PLEC: variants seen among roughly 807,000 people sequenced by gnomAD.
PLEC encodes hemidesmosomal protein 1.
PLEC carries 216 observed loss-of-function variants against 392.8 expected under a neutral mutation model. The observed-to-expected ratio is 0.55, with a 90% CI of 0.49 to 0.62. The LOEUF is 0.62. Among genes scored for constraint, PLEC ranks in the 20% least tolerant of loss-of-function variants. The pLI is 0.00. For synonymous variants in PLEC, 3,621 were observed against 2,980.6 expected (o/e 1.21, Z -7.00); for missense variants, 6,863 against 6,563.4 (o/e 1.05, Z -1.58).
In PLEC at chr8:143,929,505, T is replaced by A. The variant is rs1333530152; in HGVS notation, c.2990A>T (p.Glu997Val). ...GTGCACGGTGCGCGTCTCACAGGCC[T>A]CCAGCTGCAGCCGGATGTCTTTGAG... The part of the protein sequence containing the change: ...SELKDIRLQL[E>V]ACETRTVHRL... Residue 997 changes from glutamate (E) to valine (V), a missense_variant, in exon 24 of 32, where the codon GAG becomes GTG. Physicochemically the swap from Glu to Val is moderately radical, Grantham distance 121. Coordinates refer to ENST00000345136, the MANE Select transcript of PLEC (RefSeq NM_201384.3). 1.2e-6 allele frequency: 2 copies of A among 1,611,990 alleles called. No homozygotes were observed. Among genetic ancestry groups the A allele is most frequent in the Non-Finnish European group, 1.7e-6 (2 of 1,179,836 alleles).
upstream of PLEC, among the ~76,000 whole-genome samples, chr8:143,944,209 C>T (rs1831075808): frequency 1.3e-5 from 2 of 152,150 alleles, no homozygotes. Flanking sequence ...GCGGCCACAC[C>T]CGCCGGGAGG....
chr8:143,940,336 T>A (rs1830215407), upstream of PLEC, among the ~76,000 whole-genome samples: 1 of 152,046 alleles, frequency 6.6e-6, no homozygotes, highest in Non-Finnish European at 1.5e-5. Context: ...GAATGGAGCA[T>A]CGGGAAGCCC....
In PLEC at chr8:143,922,689, C is replaced by A; in HGVS notation, c.7240G>T (p.Gly2414Cys). 1 of 1,612,888 alleles carries A rather than the reference C, an allele frequency of 6.2e-7. No homozygotes were observed. Among genetic ancestry groups the A allele is most frequent in the Non-Finnish European group, 8.5e-7 (1 of 1,179,860 alleles). Reference protein sequence around the residue: ...QRFRKQAEEIGEKLHRTELAT... With the variant: ...QRFRKQAEEICEKLHRTELAT... ...AGCTCCGTGCGGTGCAGCTTCTCACCGATCTCCTCCGCCTGCTTCCGGAAG... is the reference window on the plus strand; with the variant it reads ...AGCTCCGTGCGGTGCAGCTTCTCACAGATCTCCTCCGCCTGCTTCCGGAAG... The change falls in exon 31 of 32, where the codon GGT becomes TGT. Residue 2414 changes from glycine to cysteine, a missense_variant. Gly to Cys is a radical substitution (Grantham distance 159, BLOSUM62 -3). Coordinates refer to ENST00000345136, the MANE Select transcript of PLEC (RefSeq NM_201384.3).
In PLEC at chr8:143,937,033, G is replaced by A. The variant is rs185041864; in HGVS notation, c.381C>T (p.Asp127=). The part of the protein sequence containing the change: ...LVNIRNDDIA[D]GNPKLTLGLI... Reference sequence around the variant, plus strand: ...GGCCAAGGGTCAGCTTGGGGTTGCCGTCAGCGATGTCATCATTCCTGATGT... The same window carrying A: ...GGCCAAGGGTCAGCTTGGGGTTGCCATCAGCGATGTCATCATTCCTGATGT... Residue 127 remains aspartate (D), a synonymous_variant, in exon 5 of 32, where the codon GAC becomes GAT. Transcript: ENST00000345136. The A allele has an allele frequency of 3.9e-5, 63 of 1,613,134 alleles. No homozygotes were observed. Among genetic ancestry groups the A allele is most frequent in the African/African-American group, 1.5e-4 (11 of 75,048 alleles).
upstream of PLEC, among the ~76,000 whole-genome samples, chr8:143,951,735 G>A (rs1356865828): frequency 3.9e-5 from 6 of 152,142 alleles, no homozygotes; most frequent in African/African-American, 1.4e-4. Flanking sequence ...CCAAGTGCCC[G>A]TCTGCAGGCC....
Position 143,928,210 on chromosome 8 carries a change from A to C in PLEC, c.3261-218T>G, listed in dbSNP as rs149624849. On this transcript the variant is annotated intron_variant, in intron 25 of 31. Coordinates refer to ENST00000345136, the MANE Select transcript of PLEC (RefSeq NM_201384.3). ...TGTAACACAAGGACACTCAGGACCC[A>C]GCCTGGAGAGGGGGTGCGCCAGCCA... is the stretch of plus-strand genomic sequence containing the variant. 1.0e-3 allele frequency among the ~76,000 whole-genome samples: 154 copies of C among 152,362 alleles called. 1 individual carries two copies. The East Asian group carries it at 0.029, about 29-fold the overall frequency.
Position 143,919,329 on chromosome 8 carries a change from T to A in PLEC, c.10492A>T (p.Met3498Leu). The A allele has an allele frequency of 6.2e-7, 1 of 1,613,880 alleles. No homozygotes were observed. The highest frequency in any genetic ancestry group is 8.5e-7 in the Non-Finnish European group (1 of 1,180,002). Reference sequence around the variant, plus strand: ...CTGGGGTCCGCCAGGACGCGGTTCATCTCCTCACTGAAGTAGCCGCGCTGG... The same window carrying A: ...CTGGGGTCCGCCAGGACGCGGTTCAACTCCTCACTGAAGTAGCCGCGCTGG... The part of the protein sequence containing the change: ...AYQRGYFSEE[M>L]NRVLADPSDD... The change falls in exon 32 of 32, where the codon ATG becomes TTG. Residue 3498 changes from methionine (M) to leucine (L), a missense_variant. Transcript: ENST00000345136.
chr8:143,952,396 G>T (rs139577608), upstream of PLEC, among the ~76,000 whole-genome samples: 461 of 152,254 alleles, frequency 3.0e-3, 2 homozygotes, highest in African/African-American at 0.011. Flanking sequence ...GAGGCTCCAG[G>T]AAGATGTAGG....
rs782537588 is a variant in PLEC, at chr8:143,918,509, T to A, written c.11312A>T (p.Tyr3771Phe). 6.2e-7 allele frequency: 1 copy of A among 1,606,100 alleles called. No homozygotes were observed. Residue 3771 changes from tyrosine (Y) to phenylalanine (F), a missense_variant, in exon 32 of 32, where the codon TAC becomes TTC. Coordinates refer to ENST00000345136, the MANE Select transcript of PLEC (RefSeq NM_201384.3). Reference protein sequence around the residue: ...LLSAERAVTGYRDPYTEQTIS... With the variant: ...LLSAERAVTGFRDPYTEQTIS... Reference sequence around the variant, plus strand: ...GGTCTGCTCGGTGTAGGGGTCACGGTAGCCGGTGACCGCCCGCTCAGCCGA... The same window carrying A: ...GGTCTGCTCGGTGTAGGGGTCACGGAAGCCGGTGACCGCCCGCTCAGCCGA...
chr8:143,930,435 G>T lies in PLEC; in HGVS notation c.2406C>A (p.Pro802=), dbSNP rs1485489896. ...CCAGCAGGGGCAGGCGGCCCCGCAT[G>T]GGGTGGGCTGGGTGGCGGGGCTTCA... ...VQLKPRHPAH[P]MRGRLPLLAV... Residue 802 remains proline (P), a synonymous_variant, in exon 20 of 32, where the codon CCC becomes CCA. Coordinates refer to ENST00000345136, the MANE Select transcript of PLEC (RefSeq NM_201384.3). The T allele has an allele frequency of 7.6e-6, 12 of 1,574,578 alleles. No homozygotes were observed. Among genetic ancestry groups the T allele is most frequent in the Non-Finnish European group, 1.0e-5 (12 of 1,161,218 alleles).
At chr8:143,930,888 G>A (rs1022404810) in intron 19 of PLEC, among the ~76,000 whole-genome samples, 7 of 152,228 alleles carry the variant, frequency 4.6e-5, no homozygotes, top group Middle Eastern at 6.8e-3. Flanking sequence ...GGGCCAGGCC[G>A]CAGGACGGCA....
At chr8:143,946,335 C>G in intron 1 of PLEC, 1 of 1,288,650 alleles carries the variant, frequency 7.8e-7, no homozygotes, top group Non-Finnish European at 1.0e-6. Flanking sequence ...CAGCCCCCAG[C>G]TCTGCCTGCC....
chr8:143,916,357 G>A lies in PLEC; in HGVS notation c.13464C>T (p.Gly4488=), dbSNP rs1554668843. The part of the protein sequence containing the change: ...YSVSGSGSTA[G]SRTGSRTGSR... ...AGCCGGTGCGCGAGCCGGTGCGGGAGCCAGCGGTAGAGCCGGAGCCGCTGA... is the reference window on the plus strand; with the variant it reads ...AGCCGGTGCGCGAGCCGGTGCGGGAACCAGCGGTAGAGCCGGAGCCGCTGA... The change falls in exon 32 of 32, where the codon GGC becomes GGT. Residue 4488 remains glycine, a synonymous_variant. Coordinates refer to ENST00000345136, the MANE Select transcript of PLEC (RefSeq NM_201384.3). 1.2e-6 allele frequency: 2 copies of A among 1,606,286 alleles called. No homozygotes were observed. The highest frequency in any genetic ancestry group is 1.7e-6 in the Non-Finnish European group (2 of 1,176,734).
At chr8:143,934,952 G>C in intron 8 of PLEC, 23 bp from the exon 9 acceptor site, 1 of 1,610,498 alleles carries the variant, frequency 6.2e-7, no homozygotes, top group African/African-American at 1.3e-5. Flanking sequence ...ACGGGCGGCT[G>C]TCAGGGGTCG....
chr8:143,922,928 T>C lies in PLEC; in HGVS notation c.7001A>G (p.Gln2334Arg). The stretch of plus-strand genomic sequence containing the variant: ...CTGCTCCTGCGCAAGCTCCTTCTGC[T>C]GCTGCAGCAGTTCCGCCTCAGCCTT... ...RLKAEAELLQQQKELAQEQAR... is the reference protein window; with the variant it reads ...RLKAEAELLQRQKELAQEQAR... Residue 2334 changes from glutamine to arginine, a missense_variant, in exon 31 of 32, where the codon CAG (glutamine) becomes CGG (arginine). Coordinates refer to ENST00000345136, the MANE Select transcript of PLEC (RefSeq NM_201384.3). 1 of 1,604,012 alleles carries C rather than the reference T, an allele frequency of 6.2e-7. No individual in the cohort carries two copies. The highest frequency in any genetic ancestry group is 8.5e-7 in the Non-Finnish European group (1 of 1,175,694).
At position 143,923,491 on chromosome 8, in the gene PLEC, C is replaced by T. The variant is rs374211586; in HGVS notation, c.6438G>A (p.Ala2146=). The change falls in exon 31 of 32, where the codon GCG becomes GCA. Residue 2146 remains alanine (A), a synonymous_variant. Coordinates refer to ENST00000345136, the MANE Select transcript of PLEC (RefSeq NM_201384.3). The part of the protein sequence containing the change: ...EKLRKEAEQE[A]ARRAQAEQAA... ...CCTGCTCCGCCTGTGCCCGCCGCGC[C>T]GCCTCTTGCTCGGCCTCCTTGCGCA... 390 of 1,600,130 alleles carry T rather than the reference C, an allele frequency of 2.4e-4. 1 individual carries two copies. In the African/African-American group the frequency reaches 2.7e-3, roughly 11 times the overall value.
rs781851968 is a variant in PLEC, at chr8:143,921,487, C to G, written c.8334G>C (p.Lys2778Asn). The change falls in exon 32 of 32, where the codon AAG becomes AAC. Residue 2778 changes from lysine (K) to asparagine (N), a missense_variant. By Grantham distance (94) the Lys-to-Asn change is moderately conservative. Transcript: ENST00000345136. ...LSAERAVTGY[K>N]DPYTGQQISL... The stretch of plus-strand genomic sequence containing the variant: ...AGATCTGCTGGCCAGTGTAGGGGTC[C>G]TTGTAGCCAGTGACGGCGCGCTCGG... 1.5e-5 allele frequency: 25 copies of G among 1,612,960 alleles called. No homozygotes were observed. The highest frequency in any genetic ancestry group is 6.7e-5 in the East Asian group (3 of 44,886).
intron 12 of PLEC, 122 bp downstream of exon 12, chr8:143,933,876 C>T: frequency 1.3e-6 from 1 of 798,254 alleles, no homozygotes; most frequent in Non-Finnish European, 2.1e-6. Flanking sequence ...CATGCCCCGC[C>T]CCTGCCCCTG....
rs782500274 is a variant in PLEC, at chr8:143,916,239, C to T, written c.13582G>A (p.Gly4528Ser). The stretch of plus-strand genomic sequence containing the variant: ...GAGGACCCCGAGGCGTAGCGGCGGC[C>T]GTAGCCCGAGGAGGAGTAGGAGGAT... ...SSSSYSSSGY[G>S]RRYASGSSAS... Residue 4528 changes from glycine (G) to serine (S), a missense_variant, in exon 32 of 32, where the codon GGC becomes AGC. Transcript: ENST00000345136. 26 of 1,546,536 alleles carry T rather than the reference C, an allele frequency of 1.7e-5. No homozygotes were observed. The highest frequency in any genetic ancestry group is 1.3e-4 in the South Asian group (11 of 84,372).
Sources: gnomAD v4.1 joint callset for allele counts (sites outside exome capture counted in the v4.1 genomes callset) on GRCh38, gnomAD v4.1.1 for gene constraint, MANE v1.5 for transcripts, NCBI Gene and HGNC (gene_info 2026-07-23, HGNC 2026-07-21) for gene names.